Variants in GRID2IP observed in about 807,000 individuals in gnomAD.
GRID2IP encodes the protein Grid2 interacting protein.
Under a neutral mutation model 114.3 loss-of-function variants are expected in GRID2IP, and 78 were observed. That is an observed-to-expected ratio of 0.68 (90% CI 0.57 to 0.82). The LOEUF (loss-of-function observed/expected upper bound fraction) is 0.82. Ranked by LOEUF, GRID2IP falls within the 40% of genes least tolerant of loss-of-function variation. The pLI, the probability that GRID2IP is intolerant of heterozygous loss-of-function variation, is 0.00. For missense variants in GRID2IP, 1,727 were observed against 1,678.5 expected, an observed-to-expected ratio of 1.03 and a Z score of -0.51; for synonymous variants, 809 against 724.0, an observed-to-expected ratio of 1.12 and a Z score of -1.89.
At position 6,509,124 on chromosome 7, in the gene GRID2IP, G is replaced by T; in HGVS notation, c.1961C>A (p.Pro654Gln). ...GPGPICPDSP[P>Q]SPDPTRPPSR... ...GGGCGGGCGGGTGGGGTCCGGGCTT[G>T]GGGGGCTGTCGGGGCAGATGGGCCC... Residue 654 changes from proline to glutamine, a missense_variant, in exon 12 of 22, where the codon CCA (proline) becomes CAA (glutamine). Pro to Gln is a moderately conservative substitution (Grantham distance 76). Transcript: ENST00000457091. This position sits in a 1 kb window ranked among gnomAD's most constrained non-coding sequence, Gnocchi z 4.9. The T allele has an allele frequency of 6.8e-7, 1 of 1,476,642 alleles. No homozygotes were observed. The highest frequency in any genetic ancestry group is 9.0e-7 in the Non-Finnish European group (1 of 1,113,404). 91.5% of individuals were successfully genotyped at this position (1,476,642 alleles called of 1,614,324 possible).
chr7:6,527,256 T>G (rs2347783), intron 2 of GRID2IP, among the ~76,000 whole-genome samples: 132,679 of 152,034 alleles, frequency 0.87, 58,665 homozygotes, highest in African/African-American at 0.95. Flanking sequence ...TGCTTCTCTG[T>G]CCAGGCCCAT....
At chr7:6,503,347 G>T in intron 16 of GRID2IP, 144 bp downstream of exon 16, 1 of 992,452 alleles carries the variant, frequency 1.0e-6, no homozygotes, top group Non-Finnish European at 1.4e-6. Context: ...ATAGGACCCG[G>T]CCATTAAAGG....
chr7:6,513,426 C>T (rs1779219816), intron 8 of GRID2IP, among the ~76,000 whole-genome samples: 1 of 150,228 alleles, frequency 6.7e-6, no homozygotes, highest in African/African-American at 2.5e-5. Flanking sequence ...TGCTATGTTG[C>T]CCAGGCTAAT....
Position 6,504,773 on chromosome 7 carries a change from G to A in GRID2IP, c.2710+20C>T. 1 of 1,545,876 alleles carries A rather than the reference G, an allele frequency of 6.5e-7. No homozygotes were observed. Reference sequence around the variant, plus strand: ...CCGCCGCCTGCCCCCTACACCCCCTGGGGTTCCCCGGACCCTCACAGGTGT... The same window carrying A: ...CCGCCGCCTGCCCCCTACACCCCCTAGGGTTCCCCGGACCCTCACAGGTGT... On this transcript the variant is annotated intron_variant, in intron 15 of 21. Coordinates refer to ENST00000457091, the MANE Select transcript of GRID2IP (RefSeq NM_001145118.2).
intron 2 of GRID2IP, among the ~76,000 whole-genome samples, chr7:6,538,506 G>A (rs891164752): frequency 6.7e-6 from 1 of 149,034 alleles, no homozygotes; most frequent in Non-Finnish European, 1.5e-5. Flanking sequence ...GTTGGAGGCT[G>A]CAGTGAGCCA....
intron 2 of GRID2IP, among the ~76,000 whole-genome samples, chr7:6,533,369 TA>T (rs1318857963): frequency 1.3e-5 from 2 of 152,136 alleles, no homozygotes; most frequent in Non-Finnish European, 2.9e-5. Flanking sequence ...CTCTCTTATT[TA>T]TTTTTAGAGA....
At position 6,526,808 on chromosome 7, in the gene GRID2IP, AC is replaced by A; in HGVS notation, c.585-40del. 6.8e-7 allele frequency: 1 copy of A among 1,465,270 alleles called. No individual in the cohort carries two copies. Among genetic ancestry groups the A allele is most frequent in the Non-Finnish European group, 9.0e-7 (1 of 1,111,388 alleles). 90.8% of individuals were successfully genotyped at this position (1,465,270 alleles called of 1,614,324 possible). A position where few individuals can be genotyped will look rare whatever the true frequency, so the allele number is the denominator to read the frequency against. On this transcript the variant is annotated intron_variant, in intron 2 of 21. Coordinates refer to ENST00000457091, the MANE Select transcript of GRID2IP (RefSeq NM_001145118.2). This position sits in a 1 kb window ranked among gnomAD's most constrained non-coding sequence, Gnocchi z 7.6. ...CGGCGGAGTCGGGGCGCGTTCCCGG[AC>A]CCCGGATCTCTGCAAACCGCGGCCC...
At chr7:6,510,772 A>G (rs34411495) in intron 9 of GRID2IP, 66 bp from the exon 10 acceptor site, 313,706 of 1,489,536 alleles carry the variant, frequency 0.21, 35,704 homozygotes, top group Non-Finnish European at 0.23. Flanking sequence ...CAGAACCAAC[A>G]TGCCCCGCAG....
rs1244001396 is a variant in GRID2IP, at chr7:6,504,879, G to T, written c.2633-9C>A. 6.4e-7 allele frequency: 1 copy of T among 1,550,966 alleles called. No individual in the cohort carries two copies. Among genetic ancestry groups the T allele is most frequent in the Admixed American group, 2.0e-5 (1 of 50,990 alleles). On this transcript the variant is annotated splice_polypyrimidine_tract_variant and intron_variant, in intron 14 of 21. Transcript: ENST00000457091. ...CGGCCCCGGCACCGGTTCTGGAAAA[G>T]AAACTGACAGTTTACGGAGGCGGCT...
At chr7:6,540,607 G>A (rs548901947) in intron 1 of GRID2IP, among the ~76,000 whole-genome samples, 55 of 147,124 alleles carry the variant, frequency 3.7e-4, no homozygotes, top group African/African-American at 1.4e-3. Flanking sequence ...TGCAACCTCC[G>A]CCTCCCAAGT....
At chr7:6,549,212 G>A (rs1477442086) in intron 1 of GRID2IP, among the ~76,000 whole-genome samples, 1 of 152,172 alleles carries the variant, frequency 6.6e-6, no homozygotes, top group Non-Finnish European at 1.5e-5. Context: ...TCCAGTAAAT[G>A]GCAGGTTCCT....
chr7:6,516,322 A>G lies in GRID2IP; in HGVS notation c.1269-1793T>C, dbSNP rs1303452397. Among the ~76,000 whole-genome samples the G allele has an allele frequency of 2.6e-5, 4 of 152,060 alleles. No individual in the cohort carries two copies. Among genetic ancestry groups the G allele is most frequent in the Non-Finnish European group, 4.4e-5 (3 of 68,012 alleles). On this transcript the variant is annotated intron_variant, in intron 7 of 21. Transcript: ENST00000457091. The surrounding 1 kb of genome is among the most constrained non-coding windows in gnomAD (Gnocchi z 4.3). ...TACTAGAAATAGATTATAGATATGTATATGAATATTATTAATAATTAGTTT... is the reference window on the plus strand; with the variant it reads ...TACTAGAAATAGATTATAGATATGTGTATGAATATTATTAATAATTAGTTT...
Position 6,523,095 on chromosome 7 carries a change from C to G in GRID2IP, c.920-1138G>C, listed in dbSNP as rs948556180. On this transcript the variant is annotated intron_variant, in intron 4 of 21. Transcript: ENST00000457091. The surrounding 1 kb of genome is among the most constrained non-coding windows in gnomAD (Gnocchi z 4.5). The stretch of plus-strand genomic sequence containing the variant: ...CTGGGATTACAGGTGTGAGCCACCA[C>G]GTAGTCCTCTTTCTGCCTCTTTTAT... 6.6e-6 allele frequency among the ~76,000 whole-genome samples: 1 copy of G among 152,086 alleles called. No homozygotes were observed. Among genetic ancestry groups the G allele is most frequent in the Non-Finnish European group, 1.5e-5 (1 of 68,022 alleles).
rs181975960 is a variant in GRID2IP at position 6,497,430 on chromosome 7, A to G, written c.*344T>C. 2 of 213,278 alleles carry G rather than the reference A, an allele frequency of 9.4e-6. No individual in the cohort carries two copies. The highest frequency in any genetic ancestry group is 2.1e-4 in the East Asian group (2 of 9,438). The allele number at this position is 213,278 out of a possible 1,614,324, so 13.2% of individuals were successfully genotyped here. ...AGGAGCAGGATCAGAAAAAAGGTCC[A>G]CATGTCCCAGGAATGTGGCCACTTT... is the stretch of plus-strand genomic sequence containing the variant. On this transcript the variant is annotated 3_prime_UTR_variant, in exon 22 of 22. Transcript: ENST00000457091.
At chr7:6,533,660 A>C (rs1166915116) in intron 2 of GRID2IP, among the ~76,000 whole-genome samples, 1 of 147,726 alleles carries the variant, frequency 6.8e-6, no homozygotes, top group African/African-American at 2.5e-5. Context: ...CACTGCCCCC[A>C]GCTCATTTTT....
chr7:6,501,917 G>A lies in GRID2IP; in HGVS notation c.3281-18C>T. 1 of 1,550,636 alleles carries A rather than the reference G, an allele frequency of 6.4e-7. No individual in the cohort carries two copies. Among genetic ancestry groups the A allele is most frequent in the South Asian group, 1.2e-5 (1 of 84,050 alleles). On this transcript the variant is annotated intron_variant, in intron 19 of 21. Transcript: ENST00000457091. ...TTGGTTCACTGTAGGGAAGAGGACA[G>A]GGGCTGCATGGGGCCACTCTCCCAG...
intron 1 of GRID2IP, among the ~76,000 whole-genome samples, chr7:6,549,163 C>T (rs1375024740): frequency 6.6e-6 from 1 of 152,180 alleles, no homozygotes; most frequent in African/African-American, 2.4e-5. Context: ...CTTTTATAAC[C>T]ATGTCACGTC....
intron 8 of GRID2IP, among the ~76,000 whole-genome samples, chr7:6,511,561 T>G (rs928449628): frequency 1.3e-5 from 2 of 151,820 alleles, no homozygotes; most frequent in African/African-American, 4.8e-5. Flanking sequence ...TTAGTAGAGA[T>G]ATGGTTTCAA....
In GRID2IP at chr7:6,520,507, T is replaced by G; in HGVS notation, c.1268+71A>C. On this transcript the variant is annotated intron_variant, in intron 7 of 21. Transcript: ENST00000457091. This position sits in a 1 kb window ranked among gnomAD's most constrained non-coding sequence, Gnocchi z 4.6. ...ACTGAGGAGGTTCAGGCAGGGAGACTGGGATGTGAGTCTAGGCAGGACTTA... is the reference window on the plus strand; with the variant it reads ...ACTGAGGAGGTTCAGGCAGGGAGACGGGGATGTGAGTCTAGGCAGGACTTA... The G allele has an allele frequency of 1.4e-6, 2 of 1,439,626 alleles. No individual in the cohort carries two copies. The highest frequency in any genetic ancestry group is 1.9e-6 in the Non-Finnish European group (2 of 1,064,606). The allele number at this position is 1,439,626 out of a possible 1,614,324, so 89.2% of individuals were successfully genotyped here. A position where few individuals can be genotyped will look rare whatever the true frequency, so the allele number is the denominator to read the frequency against.
Sources: gnomAD v4.1 joint callset for allele counts (sites outside exome capture counted in the v4.1 genomes callset) on GRCh38, gnomAD v4.1.1 for gene constraint, Gnocchi (gnomAD v3.1) non-coding constraint, MANE v1.5 for transcripts, NCBI Gene and HGNC (gene_info 2026-07-23, HGNC 2026-07-21) for gene names.